The following AFF3 variants were observed in gnomAD, a reference collection of about 807,000 sequenced individuals.
AFF3 encodes AF4/FMR2 family member 3.
A neutral mutation model predicts 129.7 loss-of-function variants in AFF3; 32 were observed. The ratio of observed to expected loss-of-function variants is 0.25; its 90% CI spans 0.19 to 0.33. AFF3 has a LOEUF of 0.33. Among genes scored for constraint, AFF3 ranks in the 10% least tolerant of loss-of-function variants. The pLI is 1.00. For synonymous variants in AFF3, 644 were observed against 635.4 expected, an observed-to-expected ratio of 1.01 and a Z score of -0.20; for missense variants, 1,373 against 1,592.0, an observed-to-expected ratio of 0.86 and a Z score of 2.34.
chr2:99,793,346 CCAAA>C (rs1466782597), intron 8 of AFF3, among the ~76,000 whole-genome samples: 2 of 152,190 alleles, frequency 1.3e-5, no homozygotes, highest in Non-Finnish European at 2.9e-5. Flanking sequence ...AACCCCGAGC[CCAAA>C]CAAACATCTT....
intron 8 of AFF3, among the ~76,000 whole-genome samples, chr2:99,764,398 C>T (rs896314341): frequency 6.6e-6 from 1 of 152,016 alleles, no homozygotes; most frequent in South Asian, 2.1e-4. Flanking sequence ...TAATTTTGGA[C>T]CTTTCTGGAG....
At chr2:99,777,261 G>A (rs1683978245) in intron 8 of AFF3, among the ~76,000 whole-genome samples, 1 of 152,140 alleles carries the variant, frequency 6.6e-6, no homozygotes, top group Admixed American at 6.5e-5. Flanking sequence ...GGAGCATCCT[G>A]GGAGAGTGCC....
At chr2:99,966,176 C>T (rs1677727694) in intron 7 of AFF3, among the ~76,000 whole-genome samples, 1 of 152,070 alleles carries the variant, frequency 6.6e-6, no homozygotes, top group Non-Finnish European at 1.5e-5. Context: ...ACCTAGTTTC[C>T]TAATGCCCAG....
chr2:99,980,175 A>G (rs1307590002), intron 7 of AFF3, among the ~76,000 whole-genome samples: 1 of 152,182 alleles, frequency 6.6e-6, no homozygotes, highest in Non-Finnish European at 1.5e-5. Context: ...CATTGTAGTA[A>G]CATCAGTTGT....
At chr2:100,058,973 C>T (rs528489500) in intron 4 of AFF3, among the ~76,000 whole-genome samples, 26 of 152,176 alleles carry the variant, frequency 1.7e-4, no homozygotes, top group Non-Finnish European at 3.2e-4. Context: ...ACATTCTTGG[C>T]CAGGTGCAAT....
intron 9 of AFF3, among the ~76,000 whole-genome samples, chr2:99,748,500 T>C (rs1451875605): frequency 2.0e-5 from 3 of 152,182 alleles, no homozygotes; most frequent in Non-Finnish European, 4.4e-5. Context: ...GAAAGTGATG[T>C]GGTGACTGCC....
At chr2:99,861,608 G>T (rs1691004749) in intron 7 of AFF3, among the ~76,000 whole-genome samples, 1 of 152,196 alleles carries the variant, frequency 6.6e-6, no homozygotes, top group South Asian at 2.1e-4. Flanking sequence ...TGGTTGAGCT[G>T]CTCTGTACTT....
At chr2:100,126,060 A>G (rs541837580) in intron 2 of AFF3, among the ~76,000 whole-genome samples, 2 of 152,352 alleles carry the variant, frequency 1.3e-5, no homozygotes, top group South Asian at 4.1e-4. Context: ...AAAAGAGAAG[A>G]AAATGCTACC....
intron 8 of AFF3, among the ~76,000 whole-genome samples, chr2:99,790,648 G>A (rs1446677443): frequency 1.3e-5 from 2 of 152,188 alleles, no homozygotes; most frequent in Non-Finnish European, 2.9e-5. Context: ...CATCAAGTGG[G>A]TAGATGCCAG....
chr2:99,594,021 T>A lies in AFF3; in HGVS notation c.1640A>T (p.Gln547Leu). 1 of 1,588,464 alleles carries A rather than the reference T, an allele frequency of 6.3e-7. No homozygotes were observed. Among genetic ancestry groups the A allele is most frequent in the Non-Finnish European group, 8.6e-7 (1 of 1,166,068 alleles). ...NKAPGSKGVK[Q>L]KSPPAAVAVA... ...GGCCACGGCCGCGGGCGGGGACTTC[T>A]GCTTCACGCCTTTACTCCCAGGGGC... Residue 547 changes from glutamine to leucine, a missense_variant, in exon 15 of 25, where the codon CAG becomes CTG. This residue lies in a region of AFF3 where 413 missense variants were observed against 424.4 expected (regional missense o/e 0.97). Coordinates refer to ENST00000672756, the MANE Select transcript of AFF3 (RefSeq NM_001386135.1).
rs1686507543 is a variant in AFF3 at position 99,808,213 on chromosome 2, T to C, written c.921+29264A>G. 3.9e-5 allele frequency among the ~76,000 whole-genome samples: 6 copies of C among 152,150 alleles called. No homozygotes were observed. In the South Asian group the frequency reaches 8.3e-4, roughly 21 times the overall value. On this transcript the variant is annotated intron_variant, in intron 8 of 24. Coordinates refer to ENST00000672756, the MANE Select transcript of AFF3 (RefSeq NM_001386135.1). Reference sequence around the variant, plus strand: ...ACACCACTCTCAAGGTTTTCTCAAGTGACTGTGGGTATGGAAGCTGATGTA... The same window carrying C: ...ACACCACTCTCAAGGTTTTCTCAAGCGACTGTGGGTATGGAAGCTGATGTA...
At chr2:99,675,155 T>TA (rs1244249217) in intron 11 of AFF3, among the ~76,000 whole-genome samples, 2 of 152,142 alleles carry the variant, frequency 1.3e-5, no homozygotes, top group African/African-American at 4.8e-5. Context: ...TCTCTTATAT[T>TA]AAAAAAATGA....
chr2:99,796,902 G>T (rs1174545606), intron 8 of AFF3, among the ~76,000 whole-genome samples: 5 of 152,102 alleles, frequency 3.3e-5, no homozygotes, highest in African/African-American at 4.8e-5. Flanking sequence ...TCAGAACTAG[G>T]CAATAATTAG....
chr2:100,060,779 C>T (rs141209837), intron 4 of AFF3, among the ~76,000 whole-genome samples: 20 of 152,234 alleles, frequency 1.3e-4, no homozygotes, highest in African/African-American at 4.6e-4. Flanking sequence ...GGAGGCAACA[C>T]TGGTATGATA....
chr2:99,608,725 A>G (rs1344790651), intron 13 of AFF3, among the ~76,000 whole-genome samples: 2 of 152,162 alleles, frequency 1.3e-5, no homozygotes, highest in Non-Finnish European at 2.9e-5. Context: ...AGAGCTCATT[A>G]TTACCAAATC....
At chr2:99,845,617 T>C (rs948374137) in intron 7 of AFF3, among the ~76,000 whole-genome samples, 1 of 152,152 alleles carries the variant, frequency 6.6e-6, no homozygotes, top group African/African-American at 2.4e-5. Context: ...CACTTGCAAC[T>C]TGACATTGAT....
intron 7 of AFF3, among the ~76,000 whole-genome samples, chr2:99,903,513 T>C (rs1260177278): frequency 6.6e-6 from 1 of 152,184 alleles, no homozygotes; most frequent in Admixed American, 6.5e-5. Context: ...TATACCAGAT[T>C]ATCTCTTCTT....
chr2:99,884,182 ATTAT>A (rs927859322), intron 7 of AFF3, among the ~76,000 whole-genome samples: 2 of 152,276 alleles, frequency 1.3e-5, no homozygotes, highest in African/African-American at 4.8e-5. Flanking sequence ...TTATTTTTTG[ATTAT>A]TTATTTTTAA....
At chr2:99,921,882 C>CT (rs1695879515) in intron 7 of AFF3, among the ~76,000 whole-genome samples, 1 of 152,210 alleles carries the variant, frequency 6.6e-6, no homozygotes, top group East Asian at 1.9e-4. Flanking sequence ...AGCAACAACA[C>CT]TATAAAAGAT....
Sources: gnomAD v4.1 joint callset for allele counts (sites outside exome capture counted in the v4.1 genomes callset) on GRCh38, gnomAD v4.1.1 for gene constraint, gnomAD v4.1.1 regional missense constraint, MANE v1.5 for transcripts, NCBI Gene and HGNC (gene_info 2026-07-23, HGNC 2026-07-21) for gene names.